The following ANKRD28 variants were observed in gnomAD, a reference collection of about 807,000 sequenced individuals.
ANKRD28 encodes the protein ankyrin repeat domain 28.
A neutral mutation model predicts 126.5 loss-of-function variants in ANKRD28; 44 were observed. That is an observed-to-expected ratio of 0.35 (90% CI 0.27 to 0.45). ANKRD28 has a LOEUF of 0.45. Among genes scored for constraint, ANKRD28 ranks in the 20% least tolerant of loss-of-function variants. The probability of loss-of-function intolerance (pLI) is 1.00; values close to 1 mark genes in which losing one functional copy is unlikely to be tolerated. For synonymous variants in ANKRD28, 442 were observed against 468.5 expected, an observed-to-expected ratio of 0.94 and a Z score of 0.73; for missense variants, 1,110 against 1,316.6, an observed-to-expected ratio of 0.84 and a Z score of 2.43.
At chr3:15,821,470 CATTATATCTA>C in intron 1 of ANKRD28, among the ~76,000 whole-genome samples, 1 of 152,074 alleles carries the variant, frequency 6.6e-6, no homozygotes, top group East Asian at 1.9e-4. Context: ...AGATAATGAA[CATTATATCTA>C]CTTATATTCA....
chr3:15,711,165 T>C, intron 12 of ANKRD28, 46 bp downstream of exon 12: 2 of 1,468,544 alleles, frequency 1.4e-6, no homozygotes, highest in Non-Finnish European at 9.4e-7. Context: ...AAACCTGCCA[T>C]GACCAGCTAT....
At chr3:15,678,142 G>A (rs955389308) in intron 24 of ANKRD28, 67 bp downstream of exon 24, 6 of 1,433,224 alleles carry the variant, frequency 4.2e-6, no homozygotes, top group Non-Finnish European at 5.6e-6. Context: ...CAGAAGTCTT[G>A]GGATCTAAGT....
intron 2 of ANKRD28, among the ~76,000 whole-genome samples, chr3:15,769,987 G>T (rs1197888681): frequency 6.6e-6 from 1 of 150,878 alleles, no homozygotes; most frequent in African/African-American, 2.4e-5. Context: ...AGAGTACACT[G>T]AACACCTGTC....
At chr3:15,788,538 G>A (rs2059885637) in intron 2 of ANKRD28, among the ~76,000 whole-genome samples, 1 of 151,960 alleles carries the variant, frequency 6.6e-6, no homozygotes, top group African/African-American at 2.4e-5. Flanking sequence ...AATACAAAAT[G>A]GCTTATGCCT....
chr3:15,710,479 C>T (rs1487641665), intron 12 of ANKRD28, among the ~76,000 whole-genome samples: 4 of 152,168 alleles, frequency 2.6e-5, no homozygotes, highest in African/African-American at 7.2e-5. Flanking sequence ...CACATGCTCA[C>T]AATCCATCTC....
intron 1 of ANKRD28, among the ~76,000 whole-genome samples, chr3:15,828,055 T>C (rs1408551953): frequency 1.3e-5 from 2 of 152,120 alleles, no homozygotes; most frequent in African/African-American, 4.8e-5. Context: ...TTATTAAAAA[T>C]TGTTAGTAGG....
At chr3:15,825,699 G>T (rs1201989817) in intron 1 of ANKRD28, among the ~76,000 whole-genome samples, 1 of 152,070 alleles carries the variant, frequency 6.6e-6, no homozygotes, top group Non-Finnish European at 1.5e-5. Flanking sequence ...ACTAGCCACA[G>T]ATTGAGAGGT....
intron 2 of ANKRD28, 74 bp from the exon 3 acceptor site, chr3:15,766,386 A>G: frequency 9.5e-7 from 1 of 1,055,020 alleles, no homozygotes; most frequent in Non-Finnish European, 1.4e-6. Flanking sequence ...AATAACCACA[A>G]CAACAACCCC....
At chr3:15,699,678 C>T (rs1179478587) in intron 14 of ANKRD28, among the ~76,000 whole-genome samples, 1 of 152,198 alleles carries the variant, frequency 6.6e-6, no homozygotes, top group Non-Finnish European at 1.5e-5. Flanking sequence ...ATAAAAACCA[C>T]AATGAGACAC....
intron 2 of ANKRD28, among the ~76,000 whole-genome samples, chr3:15,794,200 A>C (rs2125808835): frequency 6.6e-6 from 1 of 152,308 alleles, no homozygotes; most frequent in South Asian, 2.1e-4. Flanking sequence ...TCTGTTCATT[A>C]CCCAATGTTA....
chr3:15,783,261 CA>C (rs576170892), intron 2 of ANKRD28, among the ~76,000 whole-genome samples: 445 of 151,446 alleles, frequency 2.9e-3, no homozygotes, highest in Non-Finnish European at 5.6e-3. Context: ...GACATTTCAC[CA>C]AAGATAAATG....
At position 15,812,312 on chromosome 3, in the gene ANKRD28, AT is replaced by A. The variant is rs33929705; in HGVS notation, c.28-17007del. On this transcript the variant is annotated intron_variant, in intron 1 of 27. Coordinates refer to the ANKRD28 transcript ENST00000399451. The surrounding 1 kb of genome is among the most constrained non-coding windows in gnomAD (Gnocchi z 4.1). ...GAAACTATACCATTATCTTAATTTC[AT>A]TTGTTTTTTAAATGAATTTTCAAAT... 0.63 allele frequency among the ~76,000 whole-genome samples: 95,424 copies of A among 152,078 alleles called. 31,359 individuals are homozygous for A. Among genetic ancestry groups the A allele is most frequent in the East Asian group, 0.91 (4,706 of 5,182 alleles).
Position 15,814,651 on chromosome 3 carries a change from A to C in ANKRD28, c.28-19345T>G, listed in dbSNP as rs1203020942. Among the ~76,000 whole-genome samples, 1 of 152,038 alleles carries C rather than the reference A, an allele frequency of 6.6e-6. No homozygotes were observed. Among genetic ancestry groups the C allele is most frequent in the Non-Finnish European group, 1.5e-5 (1 of 67,966 alleles). ...CAAACACACACACACACATATACAC[A>C]CACAAACTTTTCAAATGCATTCACT... On this transcript the variant is annotated intron_variant, in intron 1 of 27. Transcript: ENST00000399451. This position sits in a 1 kb window ranked among gnomAD's most constrained non-coding sequence, Gnocchi z 4.7.
Position 15,854,883 on chromosome 3 carries a change from T to C in ANKRD28, c.27+4494A>G, listed in dbSNP as rs897895551. 6.6e-6 allele frequency among the ~76,000 whole-genome samples: 1 copy of C among 152,138 alleles called. No individual in the cohort carries two copies. The highest frequency in any genetic ancestry group is 6.5e-5 in the Admixed American group (1 of 15,284). The stretch of plus-strand genomic sequence containing the variant: ...GGCCAACATGGTGAAACCCCGTCTC[T>C]ACTAAAATTACAAAAATTAGCTGGG... On this transcript the variant is annotated intron_variant, in intron 1 of 27. Transcript: ENST00000399451. This position sits in a 1 kb window ranked among gnomAD's most constrained non-coding sequence, Gnocchi z 4.1.
In ANKRD28 at chr3:15,830,708, G is replaced by C. The variant is rs2061170619; in HGVS notation, c.27+28669C>G. On this transcript the variant is annotated intron_variant, in intron 1 of 27. Coordinates refer to the ANKRD28 transcript ENST00000399451. This position sits in a 1 kb window ranked among gnomAD's most constrained non-coding sequence, Gnocchi z 4.5. ...GGTTTGGCCCTTGCTCAGCTCCTAG[G>C]AGGTAACTGCTAACCCCTTGGAATG... Among the ~76,000 whole-genome samples the C allele has an allele frequency of 6.6e-6, 1 of 152,036 alleles. No homozygotes were observed. Among genetic ancestry groups the C allele is most frequent in the Non-Finnish European group, 1.5e-5 (1 of 68,008 alleles).
chr3:15,688,435 T>C (rs2068400812), intron 18 of ANKRD28, among the ~76,000 whole-genome samples: 1 of 152,206 alleles, frequency 6.6e-6, no homozygotes. Context: ...TGCAAAGTGA[T>C]ATATAACTTC....
rs755223450 is a variant in ANKRD28, at chr3:15,685,401, A to T, written c.2214T>A (p.His738Gln). 2.5e-6 allele frequency: 4 copies of T among 1,614,044 alleles called. No individual in the cohort carries two copies. The highest frequency in any genetic ancestry group is 2.5e-6 in the Non-Finnish European group (3 of 1,179,880). Residue 738 changes from histidine to glutamine, a missense_variant, in exon 21 of 28, where the codon CAT becomes CAA. Transcript: ENST00000683139. ...HEECVDALLQ[H>Q]GAKCLLRDSR... Reference sequence around the variant, plus strand: ...TATCCCGAAGTAAGCACTTAGCACCATGTTGAAGTAATGCATCTACACATT... The same window carrying T: ...TATCCCGAAGTAAGCACTTAGCACCTTGTTGAAGTAATGCATCTACACATT...
At chr3:15,689,007 T>C (rs530895340) in intron 18 of ANKRD28, among the ~76,000 whole-genome samples, 1 of 152,364 alleles carries the variant, frequency 6.6e-6, no homozygotes, top group South Asian at 2.1e-4. Context: ...ATAAAGTGTT[T>C]CAGAAGTTAG....
chr3:15,823,075 C>T (rs1335996272), intron 1 of ANKRD28, among the ~76,000 whole-genome samples: 2 of 152,212 alleles, frequency 1.3e-5, no homozygotes, highest in East Asian at 1.9e-4. Context: ...CAGTGGTCCC[C>T]CACCTTGTTT....
Sources: allele counts gnomAD v4.1 joint callset (sites outside exome capture counted in the v4.1 genomes callset), GRCh38; gene constraint gnomAD v4.1.1; non-coding constraint Gnocchi (gnomAD v3.1); transcripts MANE v1.5; gene names NCBI Gene and HGNC (gene_info 2026-07-23, HGNC 2026-07-21).